PKIA: variants seen among roughly 807,000 people sequenced by gnomAD.
The protein encoded by PKIA is cAMP-dependent protein kinase inhibitor alpha.
In PKIA, 4 loss-of-function variants were observed where a neutral mutation model predicts 7.6. That is an observed-to-expected ratio of 0.52 (90% confidence interval 0.26 to 1.20). PKIA has a LOEUF of 1.20. Ranked by LOEUF, PKIA falls within the 50% of genes most tolerant of loss-of-function variation. The pLI, the probability that PKIA is intolerant of heterozygous loss-of-function variation, is 0.13. For synonymous variants in PKIA, 21 were observed against 30.7 expected, an observed-to-expected ratio of 0.68 and a Z score of 1.04; for missense variants, 73 against 86.2, an observed-to-expected ratio of 0.85 and a Z score of 0.61.
At chr8:78,573,266 G>A (rs57874852) in intron 2 of PKIA, among the ~76,000 whole-genome samples, 36,595 of 151,860 alleles carry the variant, frequency 0.24, 5,129 homozygotes, top group African/African-American at 0.39. Context: ...TCATTTTCGT[G>A]GGTTGTCTCC....
At chr8:78,570,730 CT>C (rs1394743775) in intron 1 of PKIA, among the ~76,000 whole-genome samples, 1 of 152,058 alleles carries the variant, frequency 6.6e-6, no homozygotes, top group Non-Finnish European at 1.5e-5. Flanking sequence ...CTGTTGTCTT[CT>C]TTTTTTACAC....
At chr8:78,541,307 T>C (rs554917629) in intron 1 of PKIA, among the ~76,000 whole-genome samples, 7 of 152,210 alleles carry the variant, frequency 4.6e-5, no homozygotes, top group Non-Finnish European at 1.0e-4. Flanking sequence ...ACCCAAAGGC[T>C]TCAACCCAAT....
At chr8:78,539,319 T>C in intron 1 of PKIA, among the ~76,000 whole-genome samples, 1 of 152,064 alleles carries the variant, frequency 6.6e-6, no homozygotes, top group East Asian at 1.9e-4. Flanking sequence ...GAAATCATCT[T>C]CAGGAAATGG....
intron 2 of PKIA, among the ~76,000 whole-genome samples, chr8:78,585,790 CAT>C (rs781771825): frequency 6.6e-5 from 10 of 152,116 alleles, no homozygotes; most frequent in African/African-American, 1.9e-4. Flanking sequence ...CAGATATTAA[CAT>C]GTGTATGAAA....
At chr8:78,551,512 G>A (rs1054648518) in intron 1 of PKIA, among the ~76,000 whole-genome samples, 13 of 151,902 alleles carry the variant, frequency 8.6e-5, no homozygotes, top group African/African-American at 2.2e-4. Context: ...AACTGTAATC[G>A]TTTAATTTTT....
rs1334851395 is a variant in PKIA at position 78,516,630 on chromosome 8, G to T, written c.-157+162G>T. Reference sequence around the variant, plus strand: ...GGATGGAAATGTTGGGCGGCCAAGTGCAGAGGTTGGAGGAGCAGTGTTACT... The same window carrying T: ...GGATGGAAATGTTGGGCGGCCAAGTTCAGAGGTTGGAGGAGCAGTGTTACT... On this transcript the variant is annotated intron_variant, in intron 1 of 3. Coordinates refer to ENST00000396418, the MANE Select transcript of PKIA (RefSeq NM_006823.4). 2.0e-5 allele frequency among the ~76,000 whole-genome samples: 3 copies of T among 152,240 alleles called. No homozygotes were observed. In the East Asian group the frequency reaches 5.8e-4, roughly 29 times the overall value.
chr8:78,540,202 A>G (rs749680991), intron 1 of PKIA, among the ~76,000 whole-genome samples: 1 of 151,994 alleles, frequency 6.6e-6, no homozygotes, highest in Non-Finnish European at 1.5e-5. Context: ...GAAAACGAAA[A>G]ATAAAAATAT....
chr8:78,522,463 C>G (rs1809434480), intron 1 of PKIA, among the ~76,000 whole-genome samples: 1 of 151,760 alleles, frequency 6.6e-6, no homozygotes, highest in Non-Finnish European at 1.5e-5. Context: ...CTATAAAAAT[C>G]CTAACATTCT....
In PKIA at chr8:78,602,062, A is replaced by G. The variant is rs1808361161; in HGVS notation, c.*241A>G. 1 of 519,022 alleles carries G rather than the reference A, an allele frequency of 1.9e-6. No individual in the cohort carries two copies. The highest frequency in any genetic ancestry group is 3.4e-6 in the Non-Finnish European group (1 of 292,162). 32.2% of individuals were successfully genotyped at this position (519,022 alleles called of 1,614,324 possible). A position where few individuals can be genotyped will look rare whatever the true frequency, so the allele number is the denominator to read the frequency against. The stretch of plus-strand genomic sequence containing the variant: ...GCTTGTGTTTGGGCGTCATTTTTGT[A>G]TGGATCCTTTCACTTGATCATATGA... On this transcript the variant is annotated 3_prime_UTR_variant, in exon 4 of 4. Transcript: ENST00000396418.
intron 2 of PKIA, among the ~76,000 whole-genome samples, chr8:78,594,602 G>A (rs74524719): frequency 0.025 from 3,794 of 152,182 alleles, 135 homozygotes; most frequent in African/African-American, 0.08. Flanking sequence ...GTTTTACAGG[G>A]ACTAAATATG....
At chr8:78,571,434 G>A (rs761011007) in intron 1 of PKIA, among the ~76,000 whole-genome samples, 37 of 152,076 alleles carry the variant, frequency 2.4e-4, no homozygotes, top group Non-Finnish European at 5.1e-4. Context: ...GCTATCACCT[G>A]CAAATACCTC....
At chr8:78,540,601 T>C (rs1316580079) in intron 1 of PKIA, among the ~76,000 whole-genome samples, 4 of 152,024 alleles carry the variant, frequency 2.6e-5, no homozygotes, top group African/African-American at 9.7e-5. Flanking sequence ...CAGTTGCAAC[T>C]CCTGCTCTTT....
chr8:78,601,876 T>C lies in PKIA; in HGVS notation c.*55T>C. The C allele has an allele frequency of 7.7e-7, 1 of 1,302,094 alleles. No individual in the cohort carries two copies. The highest frequency in any genetic ancestry group is 1.1e-6 in the Non-Finnish European group (1 of 903,074). 80.7% of individuals were successfully genotyped at this position (1,302,094 alleles called of 1,614,324 possible). On this transcript the variant is annotated 3_prime_UTR_variant, in exon 4 of 4. Transcript: ENST00000396418. ...AAAATGTCTCAAATCTCCAGGAGTA[T>C]CTGGAATGCATTTGTTTCCATGAGT...
intron 2 of PKIA, among the ~76,000 whole-genome samples, chr8:78,584,288 T>C (rs1238356979): frequency 1.3e-5 from 2 of 152,038 alleles, no homozygotes; most frequent in Non-Finnish European, 2.9e-5. Flanking sequence ...GGGCCAGCCA[T>C]TGGTAAGTTT....
At chr8:78,562,963 G>T (rs1376004859) in intron 1 of PKIA, among the ~76,000 whole-genome samples, 1 of 151,964 alleles carries the variant, frequency 6.6e-6, no homozygotes, top group Non-Finnish European at 1.5e-5. Flanking sequence ...TTTCTCTTTT[G>T]AAAGAATAAT....
At chr8:78,532,184 A>G (rs1806403862) in intron 1 of PKIA, among the ~76,000 whole-genome samples, 1 of 152,092 alleles carries the variant, frequency 6.6e-6, no homozygotes, top group Non-Finnish European at 1.5e-5. Flanking sequence ...TTTCACAGCA[A>G]TAATTCTACC....
chr8:78,518,588 T>C lies in PKIA; in HGVS notation c.-157+2120T>C, dbSNP rs554781801. On this transcript the variant is annotated intron_variant, in intron 1 of 3. Transcript: ENST00000396418. Reference sequence around the variant, plus strand: ...AGTTTCTGTAATGTTGACAGTCACCTTTCTGTTGAAGAGCAAGTGCGTGAG... The same window carrying C: ...AGTTTCTGTAATGTTGACAGTCACCCTTCTGTTGAAGAGCAAGTGCGTGAG... Among the ~76,000 whole-genome samples the C allele has an allele frequency of 4.6e-4, 70 of 152,334 alleles. 1 individual carries two copies. The South Asian group carries it at 0.014, about 30-fold the overall frequency.
chr8:78,580,562 T>C (rs1807780747), intron 2 of PKIA, among the ~76,000 whole-genome samples: 1 of 151,978 alleles, frequency 6.6e-6, no homozygotes, highest in African/African-American at 2.4e-5. Flanking sequence ...CCGAGGAGCA[T>C]AGTGTGAGCT....
At chr8:78,560,631 T>A (rs1411687392) in intron 1 of PKIA, among the ~76,000 whole-genome samples, 1 of 152,138 alleles carries the variant, frequency 6.6e-6, no homozygotes, top group Non-Finnish European at 1.5e-5. Context: ...AGATGGACTG[T>A]GAAGGGACAG....
Sources: gnomAD v4.1 joint callset for allele counts (sites outside exome capture counted in the v4.1 genomes callset) on GRCh38, gnomAD v4.1.1 for gene constraint, MANE v1.5 for transcripts, NCBI Gene and HGNC (gene_info 2026-07-23, HGNC 2026-07-21) for gene names.